Variants in TBC1D3K observed in about 807,000 individuals in gnomAD.
TBC1D3K encodes TBC1 domain family member-like.
At chr17:37,924,273 G>A (rs2035594034), upstream of TBC1D3K, 1 of 131,288 alleles carries the variant, frequency 7.6e-6, no homozygotes, top group Non-Finnish European at 1.7e-5. Flanking sequence ...GTGCACAGAT[G>A]TGTTTACCCA....
exon 1 of TBC1D3K, chr17:37,924,534 G>C: frequency 8.2e-6 from 1 of 121,574 alleles, no homozygotes; most frequent in African/African-American, 3.3e-5. Context: ...TTCTCCCTGA[G>C]AGGCATGACC....
At chr17:37,930,168 AC>A (rs1304706976) in intron 7 of TBC1D3K, among the ~76,000 whole-genome samples, 1 of 102,074 alleles carries the variant, frequency 9.8e-6, no homozygotes, top group Admixed American at 9.9e-5. Flanking sequence ...GGAACTGTAC[AC>A]CCACAGACTG....
At chr17:37,924,423 C>T (rs2035597754) in exon 1 of TBC1D3K, 2 of 136,194 alleles carry the variant, frequency 1.5e-5, no homozygotes, top group African/African-American at 5.8e-5. Context: ...CAGAATGTCA[C>T]TGGTGCTTAG....
chr17:37,924,298 C>G (rs1380370982), upstream of TBC1D3K: 1 of 134,552 alleles, frequency 7.4e-6, no homozygotes, highest in Non-Finnish European at 1.6e-5. Flanking sequence ...CACATGTGCA[C>G]GCACGTGCAC....
chr17:37,924,607 T>TG (rs2035601158), intron 1 of TBC1D3K, 37 bp downstream of exon 1: 1 of 92,820 alleles, frequency 1.1e-5, no homozygotes, highest in Non-Finnish European at 2.2e-5. Context: ...CAGGCGGACT[T>TG]GGGGGCAGTG....
intron 7 of TBC1D3K, among the ~76,000 whole-genome samples, chr17:37,930,169 C>T (rs2035619966): frequency 9.7e-6 from 1 of 103,120 alleles, no homozygotes; most frequent in Non-Finnish European, 2.5e-5. Flanking sequence ...GAACTGTACA[C>T]CCACAGACTG....
chr17:37,930,249 TG>T (rs1165046797), intron 7 of TBC1D3K, among the ~76,000 whole-genome samples, 200 bp from the exon 8 acceptor site: 1 of 98,734 alleles, frequency 1.0e-5, no homozygotes, highest in African/African-American at 2.8e-5. Context: ...GGCAAGTCAC[TG>T]TACAACTGGG....
At chr17:37,930,152 C>T (rs1377371856) in intron 7 of TBC1D3K, among the ~76,000 whole-genome samples, 457 of 100,504 alleles carry the variant, frequency 4.5e-3, no homozygotes, top group African/African-American at 0.014. Context: ...GGTTTGGAAC[C>T]GTGGAGGAAC....
intron 13 of TBC1D3K, 84 bp downstream of exon 13, chr17:37,933,590 TA>T (rs2035647170): frequency 8.0e-6 from 1 of 125,256 alleles, no homozygotes; most frequent in African/African-American, 1.8e-4. Flanking sequence ...GCAACCCTAC[TA>T]CCTGGGCCTT....
chr17:37,924,349 G>A (rs2035596170), upstream of TBC1D3K: 1 of 137,704 alleles, frequency 7.3e-6, no homozygotes, highest in Admixed American at 7.3e-5. Context: ...TCAGGCAGCG[G>A]AGGACCCTGA....
chr17:37,924,370 T>C (rs1202168664), upstream of TBC1D3K: 2 of 139,754 alleles, frequency 1.4e-5, no homozygotes, highest in Non-Finnish European at 3.1e-5. Context: ...CTCTGGGCAC[T>C]GCTGACCCGG....
intron 7 of TBC1D3K, among the ~76,000 whole-genome samples, chr17:37,929,792 CG>C (rs1231111601): frequency 6.3e-3 from 31 of 4,916 alleles, no homozygotes; most frequent in Non-Finnish European, 0.017. Flanking sequence ...ACGGAGCCTT[CG>C]GGGACGGCCT....
exon 1 of TBC1D3K, chr17:37,924,446 C>T (rs1239202747): frequency 6.7e-5 from 9 of 134,888 alleles, no homozygotes; most frequent in Admixed American, 5.9e-4. Context: ...CCTATCTGCT[C>T]TCTGGCCTGC....
At chr17:37,930,202 A>G (rs1218745924) in intron 7 of TBC1D3K, among the ~76,000 whole-genome samples, 1 of 51,838 alleles carries the variant, frequency 1.9e-5, no homozygotes, top group African/African-American at 4.3e-5. Flanking sequence ...TGCAAACTGA[A>G]AAAAAAAAAA....
chr17:37,923,854 C>A (rs2035588835), upstream of TBC1D3K, among the ~76,000 whole-genome samples: 1 of 8,394 alleles, frequency 1.2e-4, no homozygotes, highest in Non-Finnish European at 5.0e-4. Flanking sequence ...ATCCCCTAGG[C>A]CCTGTGTGGA....
chr17:37,924,478 C>T (rs2035598882), exon 1 of TBC1D3K: 1 of 132,594 alleles, frequency 7.5e-6, no homozygotes, highest in Non-Finnish European at 1.6e-5. Context: ...ACAGCAGTTA[C>T]ACACAGGCAG....
At chr17:37,930,154 T>G in intron 7 of TBC1D3K, among the ~76,000 whole-genome samples, 4 of 94,218 alleles carry the variant, frequency 4.2e-5, no homozygotes, top group Admixed American at 1.1e-4. Flanking sequence ...TTTGGAACCG[T>G]GGAGGAACTG....
At chr17:37,924,345 A>G (rs1337791757), upstream of TBC1D3K, 4 of 137,722 alleles carry the variant, frequency 2.9e-5, no homozygotes, top group African/African-American at 8.4e-5. Context: ...CGCCTCAGGC[A>G]GCGGAGGACC....
At chr17:37,930,226 G>A (rs1396617923) in intron 7 of TBC1D3K, among the ~76,000 whole-genome samples, 9 of 108,358 alleles carry the variant, frequency 8.3e-5, no homozygotes, top group African/African-American at 2.1e-4. Flanking sequence ...ATCATTCAGA[G>A]TGAAAAGGAT....
Sources: allele counts gnomAD v4.1 joint callset (sites outside exome capture counted in the v4.1 genomes callset), GRCh38; gene constraint gnomAD v4.1.1; transcripts MANE v1.5; gene names NCBI Gene and HGNC (gene_info 2026-07-23, HGNC 2026-07-21).